PDE8A: variants seen among roughly 807,000 people sequenced by gnomAD.
PDE8A encodes the protein high affinity cAMP-specific and IBMX-insensitive 3',5'-cyclic phosphodiesterase 8A.
PDE8A carries 59 observed loss-of-function variants against 105.0 expected under a neutral mutation model. That is an observed-to-expected ratio of 0.56 (90% CI 0.46 to 0.70). PDE8A has a LOEUF of 0.70. Ranked by LOEUF, PDE8A falls within the 30% of genes least tolerant of loss-of-function variation. The pLI is 0.00. For synonymous variants in PDE8A, 355 were observed against 371.9 expected (o/e 0.95, Z 0.52); for missense variants, 1,014 against 1,045.9 (o/e 0.97, Z 0.42).
intron 19 of PDE8A, 101 bp from the exon 20 acceptor site, chr15:85,126,106 G>C (rs1180714654): frequency 9.3e-6 from 7 of 750,448 alleles, no homozygotes; most frequent in Non-Finnish European, 1.5e-5. Context: ...TATAGATCCT[G>C]ACTAGTGCTC....
chr15:85,004,784 T>C (rs1216727777), intron 1 of PDE8A, among the ~76,000 whole-genome samples: 2 of 152,114 alleles, frequency 1.3e-5, no homozygotes, highest in Non-Finnish European at 2.9e-5. Flanking sequence ...TGAATGGATG[T>C]ATCTTAGTTT....
intron 1 of PDE8A, among the ~76,000 whole-genome samples, chr15:85,040,366 TCTC>T (rs1483567023): frequency 1.0e-4 from 14 of 135,430 alleles, no homozygotes; most frequent in African/African-American, 2.9e-4. Context: ...CAAGACCTCT[TCTC>T]TAAAAAAAAA....
At chr15:85,030,461 A>G (rs940961223) in intron 1 of PDE8A, among the ~76,000 whole-genome samples, 1 of 152,148 alleles carries the variant, frequency 6.6e-6, no homozygotes, top group African/African-American at 2.4e-5. Flanking sequence ...ATGTAGGAGC[A>G]GCTCTAAAAA....
intron 17 of PDE8A, 147 bp from the exon 18 acceptor site, chr15:85,120,650 G>A (rs1203450019): frequency 1.7e-6 from 1 of 596,082 alleles, no homozygotes; most frequent in African/African-American, 1.8e-5. Flanking sequence ...GTGGAGATAG[G>A]AAAACTAGAT....
chr15:85,095,393 G>T (rs1251597814), intron 8 of PDE8A, among the ~76,000 whole-genome samples: 2 of 152,060 alleles, frequency 1.3e-5, no homozygotes, highest in Non-Finnish European at 2.9e-5. Context: ...GCCCAGGCTG[G>T]AGTGCAGTGG....
intron 1 of PDE8A, among the ~76,000 whole-genome samples, chr15:85,014,655 C>G (rs917828265): frequency 6.6e-6 from 1 of 152,084 alleles, no homozygotes; most frequent in Admixed American, 6.5e-5. Context: ...ATTTATACCC[C>G]TTTTAGAGAA....
chr15:85,107,721 G>A (rs2081967213), intron 11 of PDE8A, among the ~76,000 whole-genome samples: 1 of 152,194 alleles, frequency 6.6e-6, no homozygotes, highest in Non-Finnish European at 1.5e-5. Context: ...TTCATTTGCA[G>A]TGCCTGAGGA....
At chr15:85,044,604 T>G (rs900799292) in intron 1 of PDE8A, among the ~76,000 whole-genome samples, 15 of 152,218 alleles carry the variant, frequency 9.9e-5, no homozygotes, top group African/African-American at 3.6e-4. Context: ...CAGTGGATCT[T>G]AGTGATGGAA....
intron 8 of PDE8A, among the ~76,000 whole-genome samples, chr15:85,094,196 C>T (rs2081701542): frequency 6.6e-6 from 1 of 151,988 alleles, no homozygotes; most frequent in Non-Finnish European, 1.5e-5. Flanking sequence ...TTTTCCCTCC[C>T]TCAGAAACTG....
chr15:85,136,923 G>T (rs767499399), intron 21 of PDE8A, among the ~76,000 whole-genome samples: 8 of 152,012 alleles, frequency 5.3e-5, no homozygotes, highest in Non-Finnish European at 1.2e-4. Context: ...GAGCAGCTAG[G>T]GTTCAAAACC....
chr15:85,046,929 A>G (rs2080896476), intron 1 of PDE8A, among the ~76,000 whole-genome samples: 2 of 152,236 alleles, frequency 1.3e-5, no homozygotes, highest in African/African-American at 4.8e-5. Context: ...ACTTTTCAAT[A>G]TTAAAATGCA....
intron 1 of PDE8A, among the ~76,000 whole-genome samples, chr15:84,997,216 C>T (rs189980156): frequency 4.0e-4 from 60 of 151,816 alleles, no homozygotes; most frequent in Admixed American, 2.0e-4. Flanking sequence ...CTTTTTGAGA[C>T]AGGGTCTCAC....
In PDE8A at chr15:85,117,637, A is replaced by G. The variant is rs749987591; in HGVS notation, c.1536-4A>G. On this transcript the variant is annotated splice_region_variant and splice_polypyrimidine_tract_variant and intron_variant, in intron 16 of 21. Coordinates refer to ENST00000394553, the MANE Select transcript of PDE8A (RefSeq NM_002605.3). The stretch of plus-strand genomic sequence containing the variant: ...TAATATTGTGGGGTTTTTTCTGTCT[A>G]TAGGCCTTTGATTTATCTTGGTCTC... 48 of 1,612,230 alleles carry G rather than the reference A, an allele frequency of 3.0e-5. No homozygotes were observed. Among genetic ancestry groups the G allele is most frequent in the East Asian group, 2.9e-4 (13 of 44,884 alleles).
At chr15:84,994,785 A>C (rs938825752) in intron 1 of PDE8A, among the ~76,000 whole-genome samples, 2 of 152,146 alleles carry the variant, frequency 1.3e-5, no homozygotes, top group Non-Finnish European at 2.9e-5. Flanking sequence ...CAACATGGTG[A>C]AACCCTGTCT....
rs1194566250 is a variant in PDE8A at position 85,126,436 on chromosome 15, C to T, written c.2253+62C>T. On this transcript the variant is annotated intron_variant, in intron 20 of 21. Coordinates refer to ENST00000394553, the MANE Select transcript of PDE8A (RefSeq NM_002605.3). ...GAGAGTTAAAACCCATAAAATCATA[C>T]GAGATAATGGACTTAACACTAGGAA... The T allele has an allele frequency of 1.0e-5, 12 of 1,203,008 alleles. 1 individual carries two copies. The highest frequency in any genetic ancestry group is 5.5e-5 in the South Asian group (2 of 36,176). The allele number at this position is 1,203,008 out of a possible 1,614,324, so 74.5% of individuals were successfully genotyped here. A position where few individuals can be genotyped will look rare whatever the true frequency, so the allele number is the denominator to read the frequency against.
intron 5 of PDE8A, among the ~76,000 whole-genome samples, chr15:85,082,895 CTT>C (rs1275821301): frequency 6.6e-6 from 1 of 152,234 alleles, no homozygotes; most frequent in African/African-American, 2.4e-5. Context: ...ATGTAATTCA[CTT>C]TGTCGTGAGA....
At chr15:85,128,982 T>TC (rs1225949962) in intron 20 of PDE8A, among the ~76,000 whole-genome samples, 1 of 152,234 alleles carries the variant, frequency 6.6e-6, no homozygotes, top group East Asian at 1.9e-4. Context: ...GTTTCTTTTT[T>TC]CTTCCTTTTT....
At position 85,137,877 on chromosome 15, in the gene PDE8A, C is replaced by T. The variant is rs552082599; in HGVS notation, c.2464C>T (p.Arg822Trp). ...GAAAGGACTGGACGAAATGAAGCTGCGGAACCTCCGACCACCTCCTGAATA... is the reference window on the plus strand; with the variant it reads ...GAAAGGACTGGACGAAATGAAGCTGTGGAACCTCCGACCACCTCCTGAATA... ...YWKGLDEMKLRNLRPPPE is the reference protein window; with the variant it reads ...YWKGLDEMKLWNLRPPPE Residue 822 changes from arginine to tryptophan, a missense_variant, in exon 22 of 22, where the codon CGG (arginine) becomes TGG (tryptophan). By Grantham distance (101) the Arg-to-Trp change is moderately radical. Coordinates refer to ENST00000394553, the MANE Select transcript of PDE8A (RefSeq NM_002605.3). 1.9e-5 allele frequency: 31 copies of T among 1,611,002 alleles called. No homozygotes were observed. The Middle Eastern group carries it at 5.0e-4, about 26-fold the overall frequency.
At chr15:85,120,525 G>T in intron 17 of PDE8A, 1 of 300,450 alleles carries the variant, frequency 3.3e-6, no homozygotes, top group African/African-American at 2.1e-5. Context: ...TTGGTGATGG[G>T]TCTAGAGAAA....
Sources: gnomAD v4.1 joint callset for allele counts (sites outside exome capture counted in the v4.1 genomes callset) on GRCh38, gnomAD v4.1.1 for gene constraint, MANE v1.5 for transcripts, NCBI Gene and HGNC (gene_info 2026-07-23, HGNC 2026-07-21) for gene names.